The following TPRG1 variants were observed in gnomAD, a reference collection of about 807,000 sequenced individuals.
The protein encoded by TPRG1 is tumor protein p63 regulated 1.
A neutral mutation model predicts 29.3 loss-of-function variants in TPRG1; 29 were observed. The observed-to-expected ratio is 0.99, with a 90% confidence interval of 0.74 to 1.35. The LOEUF is 1.35. Among genes scored for constraint, TPRG1 ranks in the 40% most tolerant of loss-of-function variants. The pLI is 0.00. For synonymous variants in TPRG1, 130 were observed against 116.8 expected (o/e 1.11, Z -0.73); for missense variants, 327 against 335.0 (o/e 0.98, Z 0.19).
At chr3:189,289,892 A>G (rs547607558) in intron 4 of TPRG1, among the ~76,000 whole-genome samples, 1 of 152,320 alleles carries the variant, frequency 6.6e-6, no homozygotes, top group East Asian at 1.9e-4. Flanking sequence ...TATAGCTACT[A>G]CAAGAAGCCA....
intron 4 of TPRG1, among the ~76,000 whole-genome samples, chr3:189,087,452 A>G (rs1553901164): frequency 2.6e-5 from 4 of 152,126 alleles, no homozygotes; most frequent in Non-Finnish European, 1.5e-5. Context: ...CCCATTCTGT[A>G]GGTTGCCTGT....
chr3:189,187,316 GT>G (rs1474787626), intron 1 of TPRG1, among the ~76,000 whole-genome samples: 1 of 145,222 alleles, frequency 6.9e-6, no homozygotes, highest in African/African-American at 2.6e-5. Flanking sequence ...TTTGTTTTTT[GT>G]TTTTTTTGAG....
intron 4 of TPRG1, among the ~76,000 whole-genome samples, chr3:189,263,640 T>C (rs1243117766): frequency 1.3e-5 from 2 of 152,188 alleles, no homozygotes; most frequent in Non-Finnish European, 2.9e-5. Context: ...ATTCAGTGTA[T>C]AAAGTAAATA....
At chr3:189,207,279 G>C (rs1346256358) in intron 1 of TPRG1, 97 bp from the exon 2 acceptor site, 1 of 1,481,884 alleles carries the variant, frequency 6.7e-7, no homozygotes, top group East Asian at 2.4e-5. Context: ...TTAAGTTTCA[G>C]GAATTCCGTT....
chr3:189,311,015 A>G (rs982307623), intron 5 of TPRG1, among the ~76,000 whole-genome samples: 4 of 152,214 alleles, frequency 2.6e-5, no homozygotes, highest in Admixed American at 2.6e-4. Flanking sequence ...TATAAGGTTA[A>G]ATAGAATGAT....
intron 1 of TPRG1, among the ~76,000 whole-genome samples, chr3:189,173,686 G>A (rs1166236011): frequency 6.6e-6 from 1 of 152,068 alleles, no homozygotes; most frequent in African/African-American, 2.4e-5. Flanking sequence ...CACACAGCCA[G>A]TATCATTGGA....
intron 1 of TPRG1, among the ~76,000 whole-genome samples, chr3:189,174,940 C>T (rs1478474138): frequency 1.3e-5 from 2 of 152,128 alleles, no homozygotes; most frequent in Non-Finnish European, 2.9e-5. Context: ...TCCAAAGAAT[C>T]CAAATTGCTG....
intron 4 of TPRG1, among the ~76,000 whole-genome samples, chr3:189,265,534 G>A (rs955223563): frequency 3.3e-5 from 5 of 152,084 alleles, no homozygotes; most frequent in African/African-American, 4.8e-5. Flanking sequence ...CCTTCTCATA[G>A]GATCCCTTAG....
At chr3:189,180,259 A>C (rs1730037966) in intron 1 of TPRG1, among the ~76,000 whole-genome samples, 1 of 152,136 alleles carries the variant, frequency 6.6e-6, no homozygotes, top group South Asian at 2.1e-4. Context: ...GGTCGCTCCC[A>C]AATCTCATGT....
At chr3:189,090,604 T>G (rs1368130115) in intron 4 of TPRG1, among the ~76,000 whole-genome samples, 2 of 152,038 alleles carry the variant, frequency 1.3e-5, no homozygotes, top group African/African-American at 4.8e-5. Flanking sequence ...CTTTATTCTC[T>G]TAATCATACC....
At chr3:189,119,729 T>C (rs887383718) in intron 1 of TPRG1, among the ~76,000 whole-genome samples, 3 of 152,182 alleles carry the variant, frequency 2.0e-5, no homozygotes, top group Admixed American at 1.3e-4. Context: ...AAGGACATGT[T>C]TGCTTCCCCT....
intron 4 of TPRG1, among the ~76,000 whole-genome samples, chr3:189,078,122 TTTCTTTCTTTC>T (rs1717342003): frequency 7.0e-6 from 1 of 143,508 alleles, no homozygotes; most frequent in Non-Finnish European, 1.5e-5. Flanking sequence ...TCTTTCTTTC[TTTCTTTCTTTC>T]TTTCCTTTCT....
At chr3:189,291,897 G>A (rs1419059882) in intron 4 of TPRG1, among the ~76,000 whole-genome samples, 1 of 152,160 alleles carries the variant, frequency 6.6e-6, no homozygotes, top group Non-Finnish European at 1.5e-5. Context: ...GTTACAGTGG[G>A]CTCCTCTGGC....
intron 4 of TPRG1, among the ~76,000 whole-genome samples, chr3:189,304,985 G>A (rs1022395025): frequency 1.1e-4 from 16 of 152,250 alleles, no homozygotes; most frequent in Admixed American, 1.3e-4. Flanking sequence ...CATAAATCTC[G>A]GTTTGGTGCC....
intron 1 of TPRG1, among the ~76,000 whole-genome samples, chr3:189,187,477 TA>T (rs1277589274): frequency 4.6e-4 from 39 of 84,290 alleles, no homozygotes; most frequent in African/African-American, 2.7e-3. Flanking sequence ...AGCTGATTTT[TA>T]TTTTTTTTTT....
At chr3:189,188,383 G>T (rs1310687482) in intron 1 of TPRG1, among the ~76,000 whole-genome samples, 4 of 152,138 alleles carry the variant, frequency 2.6e-5, no homozygotes, top group Non-Finnish European at 1.5e-5. Context: ...ACTCTGTTTT[G>T]TTTCAGACCA....
At chr3:189,315,729 A>G (rs1723407769) in intron 5 of TPRG1, 1 of 268,082 alleles carries the variant, frequency 3.7e-6, no homozygotes, top group Non-Finnish European at 7.5e-6. Flanking sequence ...TTCAACAAAT[A>G]TTCATTGAGT....
chr3:189,155,483 T>C (rs995408678), intron 5 of TPRG1, among the ~76,000 whole-genome samples: 1 of 151,924 alleles, frequency 6.6e-6, no homozygotes, highest in Non-Finnish European at 1.5e-5. Flanking sequence ...ATCCATGTGG[T>C]CCCTATATAA....
intron 4 of TPRG1, among the ~76,000 whole-genome samples, chr3:189,279,951 A>G (rs1257698052): frequency 2.0e-5 from 3 of 152,186 alleles, no homozygotes; most frequent in African/African-American, 7.2e-5. Flanking sequence ...AGTTAGAGGA[A>G]AAGTTAGAAT....
Sources: allele counts gnomAD v4.1 joint callset (sites outside exome capture counted in the v4.1 genomes callset), GRCh38; gene constraint gnomAD v4.1.1; transcripts MANE v1.5; gene names NCBI Gene and HGNC (gene_info 2026-07-23, HGNC 2026-07-21).